The following SHC3 variants were observed in gnomAD, a reference collection of about 807,000 sequenced individuals.
SHC3 encodes SHC-transforming protein 3.
A neutral mutation model predicts 60.4 loss-of-function variants in SHC3; 15 were observed. The ratio of observed to expected loss-of-function variants is 0.25; its 90% CI spans 0.17 to 0.38. The LOEUF is 0.38. Ranked by LOEUF, SHC3 falls within the 10% of genes least tolerant of loss-of-function variation. SHC3 has a pLI of 1.00. For synonymous variants in SHC3, 294 were observed against 325.9 expected, an observed-to-expected ratio of 0.90 and a Z score of 1.05; for missense variants, 677 against 786.1, an observed-to-expected ratio of 0.86 and a Z score of 1.66.
intron 11 of SHC3, among the ~76,000 whole-genome samples, chr9:89,034,298 A>G (rs1824536829): frequency 6.6e-6 from 1 of 152,252 alleles, no homozygotes; most frequent in South Asian, 2.1e-4. Context: ...ATGTCTGGAC[A>G]TAGTAGGCAT....
intron 1 of SHC3, among the ~76,000 whole-genome samples, chr9:89,149,513 G>T (rs1480189642): frequency 2.0e-5 from 3 of 152,036 alleles, no homozygotes; most frequent in Non-Finnish European, 4.4e-5. Flanking sequence ...TTCACACTAG[G>T]ATCCTGTCGT....
At chr9:89,137,591 T>TA (rs1826336692) in intron 1 of SHC3, among the ~76,000 whole-genome samples, 1 of 152,118 alleles carries the variant, frequency 6.6e-6, no homozygotes, top group Non-Finnish European at 1.5e-5. Context: ...GCACTATTAT[T>TA]AAAAATAATA....
Position 89,045,821 on chromosome 9 carries a change from C to T in SHC3, c.1126G>A (p.Glu376Lys). The change falls in exon 9 of 12, where the codon GAG becomes AAG. Residue 376 changes from glutamate to lysine, a missense_variant. Transcript: ENST00000375835. Reference protein sequence around the residue: ...APDTAQFAGKEQTYYQGRHLG... With the variant: ...APDTAQFAGKKQTYYQGRHLG... ...TGTCTTCCCTGGTAATAAGTCTGCT[C>T]TTTTCCTGCAAACTATAGACACATG... The T allele has an allele frequency of 6.2e-7, 1 of 1,614,094 alleles. No individual in the cohort carries two copies. The highest frequency in any genetic ancestry group is 2.2e-5 in the East Asian group (1 of 44,882).
intron 2 of SHC3, among the ~76,000 whole-genome samples, chr9:89,102,959 G>T (rs1427642313): frequency 1.3e-5 from 2 of 152,156 alleles, no homozygotes; most frequent in African/African-American, 4.8e-5. Context: ...TCCAACTGTG[G>T]CTCAATATTT....
At chr9:89,136,081 A>T (rs1293724744) in intron 1 of SHC3, among the ~76,000 whole-genome samples, 2 of 152,076 alleles carry the variant, frequency 1.3e-5, no homozygotes, top group African/African-American at 4.8e-5. Context: ...ATGCTTTCTG[A>T]CTGAGCTCCT....
At position 89,170,538 on chromosome 9, in the gene SHC3, G is replaced by A. The variant is rs567381842; in HGVS notation, c.474+7449C>T. On this transcript the variant is annotated intron_variant, in intron 1 of 11. Transcript: ENST00000375835. Reference sequence around the variant, plus strand: ...GTGTGTGCCTGTGTCCCAGCTATTCGGGAGGCTGAGGAGGGAGGATCGCTT... The same window carrying A: ...GTGTGTGCCTGTGTCCCAGCTATTCAGGAGGCTGAGGAGGGAGGATCGCTT... Among the ~76,000 whole-genome samples the A allele has an allele frequency of 1.2e-4, 19 of 152,218 alleles. 1 individual carries two copies. The South Asian group carries it at 2.3e-3, about 18-fold the overall frequency.
At chr9:89,110,428 A>G (rs1252930438) in intron 2 of SHC3, 1 of 985,092 alleles carries the variant, frequency 1.0e-6, no homozygotes, top group East Asian at 1.1e-4. Flanking sequence ...TTTCTTTAGT[A>G]TATAAAGTAA....
chr9:89,016,121 T>G (rs570237950), intron 11 of SHC3, among the ~76,000 whole-genome samples: 5 of 151,468 alleles, frequency 3.3e-5, no homozygotes, highest in African/African-American at 1.2e-4. Context: ...CTAGCCAGGC[T>G]AAGAAAAAAA....
chr9:89,161,321 C>A (rs1007864525), intron 1 of SHC3, among the ~76,000 whole-genome samples: 6 of 152,304 alleles, frequency 3.9e-5, no homozygotes, highest in Non-Finnish European at 1.5e-5. Flanking sequence ...CTCCTTCTCT[C>A]TCTCTTGCTC....
Position 89,057,947 on chromosome 9 carries a change from G to A in SHC3, c.836-5784C>T, listed in dbSNP as rs529813093. On this transcript the variant is annotated intron_variant, in intron 6 of 11. Coordinates refer to ENST00000375835, the MANE Select transcript of SHC3 (RefSeq NM_016848.6). The stretch of plus-strand genomic sequence containing the variant: ...AGTGTCCTTATAATAGATGAGAAGA[G>A]GGGCCCAAACATATAGGAAGGGGAG... Among the ~76,000 whole-genome samples, 40 of 152,300 alleles carry A rather than the reference G, an allele frequency of 2.6e-4. No individual in the cohort carries two copies. The East Asian group carries it at 7.2e-3, about 27-fold the overall frequency.
At chr9:89,061,196 T>C (rs1564110781) in intron 6 of SHC3, among the ~76,000 whole-genome samples, 2 of 152,152 alleles carry the variant, frequency 1.3e-5, no homozygotes, top group African/African-American at 2.4e-5. Flanking sequence ...TTCGATGGCA[T>C]ATTTAACCAC....
At chr9:89,133,201 C>T (rs1056665982) in intron 1 of SHC3, among the ~76,000 whole-genome samples, 15 of 152,148 alleles carry the variant, frequency 9.9e-5, no homozygotes, top group African/African-American at 3.6e-4. Context: ...CAAATCAAAA[C>T]CGCAATGAGA....
At chr9:89,075,372 G>T in intron 3 of SHC3, 144 bp from the exon 4 acceptor site, 1 of 1,072,992 alleles carries the variant, frequency 9.3e-7, no homozygotes, top group Non-Finnish European at 1.3e-6. Flanking sequence ...TGAATAAGCT[G>T]GGAGTAGGGG....
At chr9:89,105,247 G>C (rs1825841370) in intron 2 of SHC3, among the ~76,000 whole-genome samples, 1 of 152,138 alleles carries the variant, frequency 6.6e-6, no homozygotes, top group Admixed American at 6.5e-5. Flanking sequence ...TCAAGCAGCA[G>C]TATAACTGCT....
chr9:89,118,215 T>C (rs183260183), intron 1 of SHC3, among the ~76,000 whole-genome samples: 6 of 150,252 alleles, frequency 4.0e-5, no homozygotes, highest in Admixed American at 4.0e-4. Context: ...ATTCCGTCTC[T>C]ACCTATTTTT....
chr9:89,152,058 C>A (rs543142389), intron 1 of SHC3, among the ~76,000 whole-genome samples: 44 of 152,186 alleles, frequency 2.9e-4, no homozygotes, highest in Admixed American at 2.6e-4. Flanking sequence ...GCGGAGCCAG[C>A]CCCTAGTGAT....
At chr9:89,112,464 G>C in intron 2 of SHC3, 92 bp downstream of exon 2, 1 of 1,387,820 alleles carries the variant, frequency 7.2e-7, no homozygotes, top group East Asian at 2.3e-5. Context: ...TCCAAGGGCC[G>C]GTCTTTTCTT....
chr9:89,107,166 C>T (rs555375972), intron 2 of SHC3, among the ~76,000 whole-genome samples: 8 of 152,280 alleles, frequency 5.3e-5, no homozygotes, highest in Non-Finnish European at 7.4e-5. Context: ...CGGCCCAAGT[C>T]GTACACCTGC....
intron 1 of SHC3, among the ~76,000 whole-genome samples, chr9:89,141,717 T>G (rs1420521054): frequency 1.3e-5 from 2 of 152,218 alleles, no homozygotes; most frequent in Non-Finnish European, 2.9e-5. Context: ...GTCAAACTAC[T>G]ATGGCTCAAA....
Sources: gnomAD v4.1 joint callset for allele counts (sites outside exome capture counted in the v4.1 genomes callset) on GRCh38, gnomAD v4.1.1 for gene constraint, MANE v1.5 for transcripts, NCBI Gene and HGNC (gene_info 2026-07-23, HGNC 2026-07-21) for gene names.